CELF2: variants seen among roughly 807,000 people sequenced by gnomAD.
The protein encoded by CELF2 is CUG triplet repeat RNA-binding protein 2.
A neutral mutation model predicts 62.6 loss-of-function variants in CELF2; 8 were observed. That is an observed-to-expected ratio of 0.13 (90% confidence interval 0.07 to 0.23). The LOEUF is 0.23. Ranked by LOEUF, CELF2 falls within the 10% of genes least tolerant of loss-of-function variation. The pLI, the probability that CELF2 is intolerant of heterozygous loss-of-function variation, is 1.00. For synonymous variants in CELF2, 258 were observed against 250.0 expected (o/e 1.03, Z -0.30); for missense variants, 333 against 671.0 (o/e 0.50, Z 5.56).
At chr10:10,770,987 G>A in the CELF2 span, among the ~76,000 whole-genome samples, 748 of 152,286 alleles carry the variant, frequency 4.9e-3, 4 homozygotes, top group African/African-American at 0.01. Context: ...AGCACTGGGC[G>A]TTCATATTTT....
intron 1 of CELF2, among the ~76,000 whole-genome samples, chr10:10,915,902 G>T (rs1183485326): frequency 2.0e-5 from 3 of 152,202 alleles, no homozygotes; most frequent in African/African-American, 7.2e-5. Flanking sequence ...TAGATTAAGT[G>T]CTAATGAATA....
intron 1 of CELF2, among the ~76,000 whole-genome samples, chr10:11,132,049 A>G (rs1384749479): frequency 1.3e-5 from 2 of 152,230 alleles, no homozygotes; most frequent in East Asian, 3.8e-4. Flanking sequence ...TTTGACAGAA[A>G]GTACAGTTTA....
chr10:11,024,327 G>A lies in CELF2; in HGVS notation c.74+6164G>A, dbSNP rs181017414. Among the ~76,000 whole-genome samples, 107 of 152,294 alleles carry A rather than the reference G, an allele frequency of 7.0e-4. 1 individual carries two copies. The highest frequency in any genetic ancestry group is 2.4e-3 in the African/African-American group (101 of 41,566). ...ATCTCAGTAATTAAAGAAGTCAGTC[G>A]GGTACGGTTGCTCACGCCTGTAATC... On this transcript the variant is annotated intron_variant, in intron 1 of 12. Transcript: ENST00000633077.
chr10:11,283,376 C>T (rs2089686683), intron 8 of CELF2, among the ~76,000 whole-genome samples: 1 of 152,238 alleles, frequency 6.6e-6, no homozygotes, highest in Admixed American at 6.5e-5. Flanking sequence ...ATCATGTTTT[C>T]TACTTTATCC....
At chr10:10,743,137 C>T in the CELF2 span, among the ~76,000 whole-genome samples, 7 of 152,302 alleles carry the variant, frequency 4.6e-5, no homozygotes, top group African/African-American at 7.2e-5. Context: ...GTTATTTCCC[C>T]ACTGCAGACA....
the CELF2 span, among the ~76,000 whole-genome samples, chr10:10,674,221 C>T: frequency 5.3e-5 from 8 of 152,160 alleles, no homozygotes; most frequent in Non-Finnish European, 1.0e-4. Flanking sequence ...GGCACCTACA[C>T]ATTAAGAACC....
chr10:10,753,786 G>A, the CELF2 span, among the ~76,000 whole-genome samples: 3 of 152,138 alleles, frequency 2.0e-5, no homozygotes. Context: ...TTTATGCATT[G>A]AACTATAGAA....
At chr10:11,277,859 G>A (rs11817576) in intron 8 of CELF2, among the ~76,000 whole-genome samples, 17,985 of 152,132 alleles carry the variant, frequency 0.12, 2,066 homozygotes, top group African/African-American at 0.3. Flanking sequence ...CGTAGAGGGG[G>A]CACATAAACA....
rs572030674 is a variant in CELF2 at position 11,268,137 on chromosome 10, G to A, written c.618+1460G>A. On this transcript the variant is annotated intron_variant, in intron 6 of 12. Coordinates refer to ENST00000633077, the MANE Select transcript of CELF2 (RefSeq NM_001326342.2). The surrounding 1 kb of genome is among the most constrained non-coding windows in gnomAD (Gnocchi z 4.7). ...CTTCCCTCTTTCTCTTACTGAGGCC[G>A]CTCCATTCCTGTGGATTAGCCTGAT... 2.5e-4 allele frequency among the ~76,000 whole-genome samples: 38 copies of A among 152,082 alleles called. No individual in the cohort carries two copies. The highest frequency in any genetic ancestry group is 6.7e-4 in the African/African-American group (28 of 41,492).
chr10:11,264,367 G>A lies in CELF2; in HGVS notation c.539-2231G>A, dbSNP rs867781223. ...TGTTGACATTTTACATGTTTCTTAC[G>A]CATTTTTACCCTCCATTTGGAAACT... is the stretch of plus-strand genomic sequence containing the variant. On this transcript the variant is annotated intron_variant, in intron 5 of 12. Coordinates refer to ENST00000633077, the MANE Select transcript of CELF2 (RefSeq NM_001326342.2). Among the ~76,000 whole-genome samples, 6 of 152,238 alleles carry A rather than the reference G, an allele frequency of 3.9e-5. No homozygotes were observed. In the South Asian group the frequency reaches 6.2e-4, roughly 16 times the overall value.
the CELF2 span, among the ~76,000 whole-genome samples, chr10:10,547,977 G>A: frequency 6.6e-6 from 1 of 152,040 alleles, no homozygotes. Context: ...AAAAGGTGCG[G>A]CTCTTTTAAA....
intron 1 of CELF2, among the ~76,000 whole-genome samples, chr10:11,119,068 A>G (rs2057176596): frequency 6.6e-6 from 1 of 152,212 alleles, no homozygotes; most frequent in South Asian, 2.1e-4. Flanking sequence ...CTACATGAAC[A>G]AGGCTGAAAC....
chr10:10,473,652 T>A, the CELF2 span, among the ~76,000 whole-genome samples: 3 of 152,036 alleles, frequency 2.0e-5, no homozygotes, highest in Admixed American at 2.0e-4. Flanking sequence ...TTTCGTTGAG[T>A]CATTTGTTTC....
the CELF2 span, among the ~76,000 whole-genome samples, chr10:10,749,286 G>A: frequency 4.6e-5 from 7 of 152,144 alleles, no homozygotes; most frequent in South Asian, 2.1e-4. Context: ...TTCTGTGAGC[G>A]TGGGCTTCAT....
At chr10:10,504,209 GT>G in the CELF2 span, among the ~76,000 whole-genome samples, 1 of 151,850 alleles carries the variant, frequency 6.6e-6, no homozygotes, top group Admixed American at 6.6e-5. Flanking sequence ...TTCTTTCATG[GT>G]TTTTTTCCAC....
chr10:10,896,261 A>G (rs188986028), intron 1 of CELF2, among the ~76,000 whole-genome samples: 11 of 152,288 alleles, frequency 7.2e-5, no homozygotes, highest in Admixed American at 6.5e-4. Flanking sequence ...CAGCACATAG[A>G]AGGGTCTTGC....
the CELF2 span, among the ~76,000 whole-genome samples, chr10:10,668,095 G>A: frequency 1.3e-5 from 2 of 152,136 alleles, no homozygotes; most frequent in African/African-American, 4.8e-5. Flanking sequence ...TTTACGATGA[G>A]CATCCCTGTA....
chr10:11,024,757 C>T (rs2058867980), intron 1 of CELF2, among the ~76,000 whole-genome samples: 1 of 152,138 alleles, frequency 6.6e-6, no homozygotes, highest in African/African-American at 2.4e-5. Flanking sequence ...TTTACAAGCT[C>T]CAATAGGACT....
chr10:11,071,184 G>T (rs2069847391), intron 1 of CELF2, among the ~76,000 whole-genome samples: 1 of 152,164 alleles, frequency 6.6e-6, no homozygotes, highest in African/African-American at 2.4e-5. Flanking sequence ...TGATCCCTTT[G>T]AATTGTCGTG....
Sources: allele counts gnomAD v4.1 joint callset (sites outside exome capture counted in the v4.1 genomes callset), GRCh38; gene constraint gnomAD v4.1.1; non-coding constraint Gnocchi (gnomAD v3.1); transcripts MANE v1.5; gene names NCBI Gene and HGNC (gene_info 2026-07-23, HGNC 2026-07-21).